ZDHHC15: variants seen among roughly 807,000 people sequenced by gnomAD.
ZDHHC15 encodes the protein zDHHC palmitoyltransferase 15.
A neutral mutation model predicts 31.7 loss-of-function variants in ZDHHC15; 19 were observed. The observed-to-expected ratio is 0.60, with a 90% confidence interval of 0.42 to 0.88. The LOEUF (loss-of-function observed/expected upper bound fraction) is 0.88, where lower values mean the gene tolerates loss of function less well. Ranked by LOEUF, ZDHHC15 falls within the 40% of genes least tolerant of loss-of-function variation. The pLI, the probability that ZDHHC15 is intolerant of heterozygous loss-of-function variation, is 0.00. For missense variants in ZDHHC15, 209 were observed against 251.2 expected, an observed-to-expected ratio of 0.83 and a Z score of 1.14; for synonymous variants, 103 against 90.0, an observed-to-expected ratio of 1.14 and a Z score of -0.82.
intron 4 of ZDHHC15, among the ~76,000 whole-genome samples, chrX:75,435,922 A>G (rs2083845324): frequency 8.9e-6 from 1 of 111,802 alleles, no homozygotes; most frequent in African/African-American, 3.3e-5. Context: ...GAGTGGTACC[A>G]ATTCTTCTTT....
chrX:75,515,005 C>G (rs60612715), intron 1 of ZDHHC15, among the ~76,000 whole-genome samples: 2,428 of 111,594 alleles, frequency 0.022, 56 homozygotes, highest in African/African-American at 0.076. Context: ...GACACATACA[C>G]CATCCCAAGA....
Position 75,515,505 on chromosome X carries a change from C to G in ZDHHC15, c.136+7384G>C, listed in dbSNP as rs754577974. Among the ~76,000 whole-genome samples, 30 of 111,732 alleles carry G rather than the reference C, an allele frequency of 2.7e-4. 1 individual carries two copies. The highest frequency in any genetic ancestry group is 4.5e-4 in the Non-Finnish European group (24 of 53,200). On this transcript the variant is annotated intron_variant, in intron 1 of 11. Transcript: ENST00000373367. Reference sequence around the variant, plus strand: ...AACCACATGATTATCTTAATAGACACAGAAAAGGCCTTTGAAAAAGTTCAA... The same window carrying G: ...AACCACATGATTATCTTAATAGACAGAGAAAAGGCCTTTGAAAAAGTTCAA...
chrX:75,373,998 C>T (rs1378034452), intron 11 of ZDHHC15, among the ~76,000 whole-genome samples: 1 of 98,111 alleles, frequency 1.0e-5, no homozygotes, highest in Non-Finnish European at 2.0e-5. Context: ...CCCTCCACTA[C>T]CCTTCCCAGC....
intron 4 of ZDHHC15, among the ~76,000 whole-genome samples, chrX:75,432,603 A>G (rs757630551): frequency 2.4e-4 from 27 of 111,546 alleles, no homozygotes; most frequent in Non-Finnish European, 4.7e-4. Flanking sequence ...GTTGACTGCA[A>G]TATCTGTGTA....
rs774460674 is a variant in ZDHHC15, at chrX:75,445,692, T to G, written c.379+5110A>C. ...AATGATAGTTGAACTCCCAGTCTTGTAGGGTATCTACTGTTAAAATGAGGG... is the reference window on the plus strand; with the variant it reads ...AATGATAGTTGAACTCCCAGTCTTGGAGGGTATCTACTGTTAAAATGAGGG... On this transcript the variant is annotated intron_variant, in intron 4 of 11. Coordinates refer to ENST00000373367, the MANE Select transcript of ZDHHC15 (RefSeq NM_144969.3). Among the ~76,000 whole-genome samples, 9 of 112,082 alleles carry G rather than the reference T, an allele frequency of 8.0e-5. No homozygotes were observed. The South Asian group carries it at 3.3e-3, about 42-fold the overall frequency.
chrX:75,499,182 A>T (rs770150758), intron 2 of ZDHHC15, among the ~76,000 whole-genome samples: 45 of 111,681 alleles, frequency 4.0e-4, no homozygotes, highest in Middle Eastern at 4.6e-3. Flanking sequence ...TAAAAATTCC[A>T]GAAAATAACA....
intron 10 of ZDHHC15, among the ~76,000 whole-genome samples, chrX:75,394,539 G>A (rs2083280056): frequency 9.0e-6 from 1 of 111,103 alleles, no homozygotes; most frequent in South Asian, 3.8e-4. Flanking sequence ...GATATTCCAT[G>A]CAAGTGAAAA....
rs148988219 is a variant in ZDHHC15, at chrX:75,455,773, C to T, written c.259-4851G>A. ...AGACACATGAAAAAATGCTCATCAT[C>T]ACTGGTCATCAGAGAAATGGAAATC... On this transcript the variant is annotated intron_variant, in intron 3 of 11. Transcript: ENST00000373367. Among the ~76,000 whole-genome samples, 417 of 112,372 alleles carry T rather than the reference C, an allele frequency of 3.7e-3. 2 individuals are homozygous for T. The highest frequency in any genetic ancestry group is 0.013 in the African/African-American group (402 of 30,962).
At chrX:75,376,756 A>G (rs2083064124) in intron 11 of ZDHHC15, among the ~76,000 whole-genome samples, 1 of 111,908 alleles carries the variant, frequency 8.9e-6, no homozygotes, top group Non-Finnish European at 1.9e-5. Context: ...TAAATTAAGC[A>G]TATTAAATTT....
chrX:75,443,100 T>C (rs2083969977), intron 4 of ZDHHC15, among the ~76,000 whole-genome samples: 1 of 110,298 alleles, frequency 9.1e-6, no homozygotes, highest in South Asian at 3.8e-4. Flanking sequence ...CTTCACAGAA[T>C]TGGAAAAAAT....
intron 10 of ZDHHC15, among the ~76,000 whole-genome samples, chrX:75,414,426 C>CTTT (rs1177332052): frequency 0.053 from 3,532 of 66,059 alleles, 350 homozygotes; most frequent in East Asian, 0.071. Context: ...CATATTTTAT[C>CTTT]TTTTTTTTTT....
chrX:75,508,806 C>G (rs931737305), intron 1 of ZDHHC15, among the ~76,000 whole-genome samples: 1 of 110,761 alleles, frequency 9.0e-6, no homozygotes. Context: ...CTCTCCAGCA[C>G]CTGTTATTTC....
intron 1 of ZDHHC15, among the ~76,000 whole-genome samples, chrX:75,513,769 A>C (rs1193541038): frequency 9.0e-6 from 1 of 111,339 alleles, no homozygotes; most frequent in Non-Finnish European, 1.9e-5. Context: ...AGTGCAATGA[A>C]CTCCAAATAG....
At chrX:75,471,071 T>C (rs1330889833) in intron 3 of ZDHHC15, among the ~76,000 whole-genome samples, 1 of 112,187 alleles carries the variant, frequency 8.9e-6, no homozygotes, top group Non-Finnish European at 1.9e-5. Flanking sequence ...ATGACTCCAA[T>C]TGCAGCTGCT....
At position 75,477,326 on chromosome X, in the gene ZDHHC15, A is replaced by T. The variant is rs1051483645; in HGVS notation, c.258+1565T>A. 2.7e-5 allele frequency among the ~76,000 whole-genome samples: 3 copies of T among 111,225 alleles called. No homozygotes were observed. In the Admixed American group the frequency reaches 2.9e-4, roughly 11 times the overall value. On this transcript the variant is annotated intron_variant, in intron 3 of 11. Transcript: ENST00000373367. ...CTGCGTACACTTAGGAAGAAAGTAC[A>T]TTTTACTCTTTTTGGGTGATCTATA...
At chrX:75,456,010 C>A (rs1269335211) in intron 3 of ZDHHC15, among the ~76,000 whole-genome samples, 1 of 111,148 alleles carries the variant, frequency 9.0e-6, no homozygotes. Context: ...TGGGTATATA[C>A]CCAAAGGTTT....
In ZDHHC15 at chrX:75,382,569, G is replaced by A. The variant is rs2083125761; in HGVS notation, c.968-3371C>T. ...GTATGAACAGGTTGTTTATAGGCAT[G>A]TGGCCAAAATGTTAGGGCAGATGTG... On this transcript the variant is annotated intron_variant, in intron 10 of 11. Coordinates refer to ENST00000373367, the MANE Select transcript of ZDHHC15 (RefSeq NM_144969.3). Among the ~76,000 whole-genome samples, 3 of 112,346 alleles carry A rather than the reference G, an allele frequency of 2.7e-5. No individual in the cohort carries two copies. In the South Asian group the frequency reaches 1.1e-3, roughly 41 times the overall value.
At chrX:75,383,898 C>A (rs1168506801) in intron 10 of ZDHHC15, among the ~76,000 whole-genome samples, 1 of 97,908 alleles carries the variant, frequency 1.0e-5, no homozygotes, top group Non-Finnish European at 2.0e-5. Flanking sequence ...CCCACCACAC[C>A]CAGCTAATTT....
Position 75,444,596 on chromosome X carries a change from A to G in ZDHHC15, c.379+6206T>C, listed in dbSNP as rs1309614585. Among the ~76,000 whole-genome samples, 3 of 95,392 alleles carry G rather than the reference A, an allele frequency of 3.1e-5. No homozygotes were observed. The East Asian group carries it at 1.0e-3, about 32-fold the overall frequency. The allele number at this position is 95,392 out of a possible 115,157, so 82.8% of individuals were successfully genotyped here. ...GCAAACCTGCACGTTATGCACATGT[A>G]CCGTACAACTTAAAGTATAATAAAA... On this transcript the variant is annotated intron_variant, in intron 4 of 11. Transcript: ENST00000373367.
Sources: allele counts gnomAD v4.1 joint callset (sites outside exome capture counted in the v4.1 genomes callset), GRCh38; gene constraint gnomAD v4.1.1; transcripts MANE v1.5; gene names NCBI Gene and HGNC (gene_info 2026-07-23, HGNC 2026-07-21).